The following CNTN5 variants were observed in gnomAD, a reference collection of about 807,000 sequenced individuals.
The protein encoded by CNTN5 is contactin 5.
Under a neutral mutation model 129.1 loss-of-function variants are expected in CNTN5, and 77 were observed. That is an observed-to-expected ratio of 0.60 (90% CI 0.50 to 0.72). CNTN5 has a LOEUF of 0.72. Ranked by LOEUF, CNTN5 falls within the 30% of genes least tolerant of loss-of-function variation. The pLI is 0.00. For synonymous variants in CNTN5, 509 were observed against 465.6 expected, an observed-to-expected ratio of 1.09 and a Z score of -1.20; for missense variants, 1,478 against 1,328.8, an observed-to-expected ratio of 1.11 and a Z score of -1.75.
At chr11:100,131,116 A>G (rs1355154980) in intron 13 of CNTN5, among the ~76,000 whole-genome samples, 4 of 137,922 alleles carry the variant, frequency 2.9e-5, no homozygotes, top group Non-Finnish European at 6.0e-5. Flanking sequence ...CACGGGAGTT[A>G]TCTGATCTTA....
chr11:99,786,107 C>G (rs541053350), intron 3 of CNTN5, among the ~76,000 whole-genome samples: 2 of 151,964 alleles, frequency 1.3e-5, no homozygotes, highest in Non-Finnish European at 2.9e-5. Context: ...TAGAAAACCC[C>G]GTCGTCTCAG....
At chr11:99,251,655 A>G (rs113889551) in intron 1 of CNTN5, among the ~76,000 whole-genome samples, 2,614 of 152,118 alleles carry the variant, frequency 0.017, 89 homozygotes, top group African/African-American at 0.06. Context: ...ACAATTGTCA[A>G]GCAGAGAGAA....
chr11:99,178,338 A>G (rs918795387), intron 1 of CNTN5, among the ~76,000 whole-genome samples: 3 of 150,286 alleles, frequency 2.0e-5, no homozygotes, highest in Non-Finnish European at 4.4e-5. Flanking sequence ...ACACACACAC[A>G]CACACACACA....
chr11:99,513,743 A>AAAAAT (rs1357167829), intron 2 of CNTN5, among the ~76,000 whole-genome samples: 1 of 151,566 alleles, frequency 6.6e-6, no homozygotes, highest in Non-Finnish European at 1.5e-5. Context: ...GAAAAAAAAA[A>AAAAAT]GATTCCTTTC....
At chr11:99,621,247 CAG>C (rs1223849237) in intron 3 of CNTN5, among the ~76,000 whole-genome samples, 4 of 152,012 alleles carry the variant, frequency 2.6e-5, no homozygotes, top group Admixed American at 2.6e-4. Context: ...GTTAACCAGA[CAG>C]AGCAGAAATG....
At chr11:99,417,228 A>G (rs1212682829) in intron 2 of CNTN5, among the ~76,000 whole-genome samples, 1 of 152,180 alleles carries the variant, frequency 6.6e-6, no homozygotes, top group African/African-American at 2.4e-5. Flanking sequence ...TTTTTATATT[A>G]GGTAGTCTTG....
intron 2 of CNTN5, among the ~76,000 whole-genome samples, chr11:99,442,593 G>A (rs1005166664): frequency 2.6e-5 from 4 of 152,174 alleles, no homozygotes; most frequent in African/African-American, 9.7e-5. Flanking sequence ...ATTATTTGGT[G>A]TGACTCTATT....
chr11:99,023,814 TCTTA>T (rs1266550585), intron 1 of CNTN5, among the ~76,000 whole-genome samples: 2 of 152,256 alleles, frequency 1.3e-5, no homozygotes, highest in African/African-American at 2.4e-5. Flanking sequence ...AATTTATTTC[TCTTA>T]CTTTAAATAA....
intron 1 of CNTN5, among the ~76,000 whole-genome samples, chr11:99,264,001 C>T (rs1299240425): frequency 6.6e-6 from 1 of 151,942 alleles, no homozygotes; most frequent in Admixed American, 6.6e-5. Context: ...ACAGTTCTGG[C>T]TGTATTTTTC....
chr11:100,156,507 C>CTGGCCTCATAA (rs1947248482), intron 13 of CNTN5, among the ~76,000 whole-genome samples: 1 of 151,980 alleles, frequency 6.6e-6, no homozygotes, highest in African/African-American at 2.4e-5. Flanking sequence ...CAGGATGATG[C>CTGGCCTCATAA]TGGCCTCATA....
chr11:99,808,603 C>T (rs147203057), intron 3 of CNTN5, among the ~76,000 whole-genome samples: 7 of 152,276 alleles, frequency 4.6e-5, no homozygotes, highest in African/African-American at 1.7e-4. Context: ...AGAAAAAAAT[C>T]ACTCGGGGAC....
chr11:99,059,611 G>T (rs578158579), intron 1 of CNTN5, among the ~76,000 whole-genome samples: 1 of 152,178 alleles, frequency 6.6e-6, no homozygotes, highest in Non-Finnish European at 1.5e-5. Context: ...CATTGAAAGA[G>T]TCCTTGCTGC....
intron 13 of CNTN5, among the ~76,000 whole-genome samples, chr11:100,186,875 G>A (rs1948315122): frequency 6.6e-6 from 1 of 152,120 alleles, no homozygotes; most frequent in African/African-American, 2.4e-5. Context: ...AATTACGTGT[G>A]CAATAACCAG....
chr11:99,179,403 C>G (rs187685884), intron 1 of CNTN5, among the ~76,000 whole-genome samples: 47 of 152,150 alleles, frequency 3.1e-4, no homozygotes, highest in African/African-American at 1.1e-3. Flanking sequence ...GATCGTGCCA[C>G]TGCACTCCAG....
intron 1 of CNTN5, among the ~76,000 whole-genome samples, chr11:99,249,160 T>A (rs1261565828): frequency 2.6e-5 from 4 of 152,246 alleles, no homozygotes; most frequent in African/African-American, 9.6e-5. Flanking sequence ...GGTTTGTAGT[T>A]CTCCTTGAAG....
chr11:99,981,457 A>G (rs552795957), intron 8 of CNTN5, among the ~76,000 whole-genome samples: 25 of 152,242 alleles, frequency 1.6e-4, no homozygotes, highest in African/African-American at 5.5e-4. Flanking sequence ...TCCCAAGCCA[A>G]TTGAATGGTG....
chr11:99,190,866 C>T (rs370728535), intron 1 of CNTN5, among the ~76,000 whole-genome samples: 178 of 151,624 alleles, frequency 1.2e-3, no homozygotes, highest in African/African-American at 4.1e-3. Context: ...CAAGCTAGAA[C>T]ATCTAGGATT....
chr11:100,133,996 G>T (rs1946453173), intron 13 of CNTN5, among the ~76,000 whole-genome samples: 1 of 152,066 alleles, frequency 6.6e-6, no homozygotes, highest in Non-Finnish European at 1.5e-5. Context: ...TGAAATGTCA[G>T]AAAATAACGA....
chr11:99,545,338 G>A (rs927417130), intron 2 of CNTN5, among the ~76,000 whole-genome samples: 1 of 152,194 alleles, frequency 6.6e-6, no homozygotes, highest in Non-Finnish European at 1.5e-5. Flanking sequence ...GCCAGATGAA[G>A]ATAGTGATTC....
Sources: allele counts gnomAD v4.1 joint callset (sites outside exome capture counted in the v4.1 genomes callset), GRCh38; gene constraint gnomAD v4.1.1; transcripts MANE v1.5; gene names NCBI Gene and HGNC (gene_info 2026-07-23, HGNC 2026-07-21).